The following SORCS3 variants were observed in gnomAD, a reference collection of about 807,000 sequenced individuals.
The protein encoded by SORCS3 is VPS10 domain-containing receptor SorCS3.
A neutral mutation model predicts 146.3 loss-of-function variants in SORCS3; 57 were observed. The ratio of observed to expected loss-of-function variants is 0.39; its 90% CI spans 0.31 to 0.49. SORCS3 has a LOEUF of 0.49. Ranked by LOEUF, SORCS3 falls within the 20% of genes least tolerant of loss-of-function variation. SORCS3 has a pLI of 0.92. For synonymous variants in SORCS3, 653 were observed against 618.5 expected (o/e 1.06, Z -0.83); for missense variants, 1,341 against 1,575.5 (o/e 0.85, Z 2.52).
chr10:104,839,670 G>A (rs2018114909), intron 1 of SORCS3, among the ~76,000 whole-genome samples: 1 of 152,150 alleles, frequency 6.6e-6, no homozygotes, highest in African/African-American at 2.4e-5. Flanking sequence ...GAATTAAGAG[G>A]TAAAATTGAA....
chr10:104,763,667 A>T (rs117947472), intron 1 of SORCS3, among the ~76,000 whole-genome samples: 1 of 152,188 alleles, frequency 6.6e-6, no homozygotes, highest in Non-Finnish European at 1.5e-5. Context: ...CTTGTGGCCA[A>T]CGCTTCTTTA....
intron 1 of SORCS3, among the ~76,000 whole-genome samples, chr10:104,653,999 C>A (rs762925718): frequency 1.3e-5 from 2 of 152,070 alleles, no homozygotes; most frequent in Non-Finnish European, 2.9e-5. Context: ...ACTCTATGCG[C>A]ATGGGTTCAG....
intron 12 of SORCS3, among the ~76,000 whole-genome samples, chr10:105,165,762 C>T (rs748243354): frequency 3.7e-4 from 56 of 152,158 alleles, no homozygotes; most frequent in Non-Finnish European, 6.5e-4. Context: ...GATCTCTCTA[C>T]CTCAAGAAGT....
intron 25 of SORCS3, 128 bp downstream of exon 25, chr10:105,257,052 A>C: frequency 2.8e-6 from 2 of 714,710 alleles, no homozygotes; most frequent in Non-Finnish European, 4.9e-6. Context: ...TCTGTTTGAC[A>C]ATGGGTAAAA....
chr10:105,223,536 T>G (rs1032740144), intron 20 of SORCS3, among the ~76,000 whole-genome samples: 6 of 152,256 alleles, frequency 3.9e-5, no homozygotes, highest in Non-Finnish European at 7.3e-5. Flanking sequence ...TCGTTCCATT[T>G]TGCTTTAATC....
At chr10:104,939,958 G>A (rs1014341703) in intron 3 of SORCS3, among the ~76,000 whole-genome samples, 5 of 151,870 alleles carry the variant, frequency 3.3e-5, no homozygotes, top group Admixed American at 6.6e-5. Flanking sequence ...CACCAAGGGA[G>A]GGTTCTTGGA....
intron 1 of SORCS3, among the ~76,000 whole-genome samples, chr10:104,659,877 G>A (rs970231653): frequency 3.9e-4 from 60 of 152,160 alleles, no homozygotes; most frequent in African/African-American, 1.4e-3. Context: ...CTGTGAGGGT[G>A]TGTATTTTTT....
intron 5 of SORCS3, among the ~76,000 whole-genome samples, chr10:105,048,250 C>A (rs2055387547): frequency 6.6e-6 from 1 of 150,524 alleles, no homozygotes; most frequent in African/African-American, 2.4e-5. Context: ...TTTATTGCGG[C>A]ACTATTCACA....
chr10:105,018,282 G>T (rs1296574049), intron 4 of SORCS3, among the ~76,000 whole-genome samples: 1 of 152,190 alleles, frequency 6.6e-6, no homozygotes, highest in Admixed American at 6.5e-5. Flanking sequence ...AGTAACTCTG[G>T]TGGAAAGAGA....
intron 8 of SORCS3, among the ~76,000 whole-genome samples, chr10:105,140,945 A>C (rs1375645962): frequency 1.3e-5 from 2 of 152,178 alleles, no homozygotes; most frequent in South Asian, 4.1e-4. Context: ...AAGGTTAGAA[A>C]GGGGAAATTC....
chr10:105,259,658 T>C (rs974143306), intron 25 of SORCS3, among the ~76,000 whole-genome samples: 9 of 152,224 alleles, frequency 5.9e-5, no homozygotes, highest in Admixed American at 5.9e-4. Context: ...CAAGAATTTC[T>C]TTCCATAACT....
intron 4 of SORCS3, among the ~76,000 whole-genome samples, chr10:105,039,976 T>C (rs2055329303): frequency 6.6e-6 from 1 of 152,166 alleles, no homozygotes; most frequent in African/African-American, 2.4e-5. Context: ...TGGGTTTTGT[T>C]GAAAGAATTT....
At chr10:105,059,747 G>A (rs1339802336) in intron 5 of SORCS3, among the ~76,000 whole-genome samples, 1 of 152,190 alleles carries the variant, frequency 6.6e-6, no homozygotes. Context: ...TGTGACACAA[G>A]CGGAAGCTCT....
At chr10:105,124,311 C>A (rs193216168) in intron 7 of SORCS3, among the ~76,000 whole-genome samples, 1 of 152,280 alleles carries the variant, frequency 6.6e-6, no homozygotes, top group Non-Finnish European at 1.5e-5. Context: ...GGCCCGATTA[C>A]CCCTACTTTC....
At chr10:105,092,398 G>A (rs1430496839) in intron 6 of SORCS3, among the ~76,000 whole-genome samples, 1 of 151,792 alleles carries the variant, frequency 6.6e-6, no homozygotes, top group African/African-American at 2.4e-5. Context: ...ATCCTCCACT[G>A]GAATTCTAGG....
At chr10:105,102,629 A>G (rs911088986) in intron 6 of SORCS3, among the ~76,000 whole-genome samples, 9 of 152,136 alleles carry the variant, frequency 5.9e-5, no homozygotes, top group African/African-American at 2.2e-4. Context: ...TCCCCACAAC[A>G]TGCAATTTGC....
intron 3 of SORCS3, among the ~76,000 whole-genome samples, chr10:104,950,708 CTG>C (rs2019419801): frequency 1.3e-5 from 2 of 152,250 alleles, no homozygotes; most frequent in African/African-American, 4.8e-5. Flanking sequence ...CGGGGAAATT[CTG>C]TCTTAAAAAG....
intron 1 of SORCS3, among the ~76,000 whole-genome samples, chr10:104,804,980 C>T (rs2017664866): frequency 6.6e-6 from 1 of 152,114 alleles, no homozygotes; most frequent in South Asian, 2.1e-4. Flanking sequence ...TAAGTAGATC[C>T]ATGAGAGAAG....
intron 14 of SORCS3, among the ~76,000 whole-genome samples, chr10:105,184,346 T>C (rs7911047): frequency 0.53 from 81,232 of 152,112 alleles, 23,455 homozygotes; most frequent in African/African-American, 0.77. Flanking sequence ...TCATAAAATA[T>C]AATTCTTCAC....
Sources: allele counts gnomAD v4.1 joint callset (sites outside exome capture counted in the v4.1 genomes callset), GRCh38; gene constraint gnomAD v4.1.1; transcripts MANE v1.5; gene names NCBI Gene and HGNC (gene_info 2026-07-23, HGNC 2026-07-21).